PNPT1: variants seen among roughly 807,000 people sequenced by gnomAD.
PNPT1 encodes polyribonucleotide nucleotidyltransferase 1, also known as polyribonucleotide nucleotidyltransferase 1, mitochondrial.
A neutral mutation model predicts 119.5 loss-of-function variants in PNPT1; 53 were observed. The ratio of observed to expected loss-of-function variants is 0.44; its 90% CI spans 0.36 to 0.56. The LOEUF (loss-of-function observed/expected upper bound fraction) is 0.56, where lower values mean the gene tolerates loss of function less well. Ranked by LOEUF, PNPT1 falls within the 20% of genes least tolerant of loss-of-function variation. PNPT1 has a pLI of 0.00. For synonymous variants in PNPT1, 357 were observed against 322.1 expected, an observed-to-expected ratio of 1.11 and a Z score of -1.16; for missense variants, 948 against 938.5, an observed-to-expected ratio of 1.01 and a Z score of -0.13.
intron 2 of PNPT1, among the ~76,000 whole-genome samples, chr2:55,687,042 G>A (rs985824683): frequency 2.6e-5 from 4 of 151,814 alleles, no homozygotes; most frequent in African/African-American, 7.3e-5. Context: ...GTGAAACCTC[G>A]ACTCTACTAA....
At chr2:55,637,716 G>T (rs1268474828) in intron 26 of PNPT1, 117 bp from the exon 27 acceptor site, 5 of 876,512 alleles carry the variant, frequency 5.7e-6, no homozygotes, top group Non-Finnish European at 9.2e-6. Flanking sequence ...TCAGTTAGCG[G>T]CTGGGCGCAG....
In PNPT1 at chr2:55,634,673, A is replaced by T. The variant is rs1403527677; in HGVS notation, c.*1564T>A. On this transcript the variant is annotated 3_prime_UTR_variant, in exon 28 of 28. Coordinates refer to ENST00000447944, the MANE Select transcript of PNPT1 (RefSeq NM_033109.5). The stretch of plus-strand genomic sequence containing the variant: ...CAGGTTCAAGAGATTCTCCTGCCTC[A>T]GCCTCCTGAGTAGCTGGGATTACAG... The T allele has an allele frequency of 1.3e-5, 2 of 150,144 alleles. No individual in the cohort carries two copies. Among genetic ancestry groups the T allele is most frequent in the Non-Finnish European group, 2.9e-5 (2 of 67,818 alleles). The allele number at this position is 150,144 out of a possible 1,614,324, so 9.3% of individuals were successfully genotyped here.
At position 55,636,001 on chromosome 2, in the gene PNPT1, A is replaced by G; in HGVS notation, c.*236T>C. On this transcript the variant is annotated 3_prime_UTR_variant, in exon 28 of 28. Coordinates refer to ENST00000447944, the MANE Select transcript of PNPT1 (RefSeq NM_033109.5). ...TATGTAATTTTTTCTAAGATGTATA[A>G]ATGACTTACTTTTAATAATAAATAT... is the stretch of plus-strand genomic sequence containing the variant. The G allele has an allele frequency of 3.9e-6, 1 of 253,956 alleles. No individual in the cohort carries two copies. The highest frequency in any genetic ancestry group is 7.3e-6 in the Non-Finnish European group (1 of 137,120). The allele number at this position is 253,956 out of a possible 1,614,324, so 15.7% of individuals were successfully genotyped here.
chr2:55,668,064 G>A, intron 11 of PNPT1, 106 bp from the exon 12 acceptor site: 3 of 978,312 alleles, frequency 3.1e-6, no homozygotes, highest in Non-Finnish European at 4.5e-6. Flanking sequence ...ATCAACCAAG[G>A]GAGATGACTC....
Position 55,672,991 on chromosome 2 carries a change from A to C in PNPT1, c.768T>G (p.Ile256Met). The stretch of plus-strand genomic sequence containing the variant: ...CTTTTACCAACTGCTGAATGCCCTG[A>C]ATTATTTGTTGGGTATATTTCACTC... ...KVGVKYTQQI[I>M]QGIQQLVKET... Residue 256 changes from isoleucine (I) to methionine (M), a missense_variant, in exon 9 of 28, where the codon ATT becomes ATG. By Grantham distance (10) the Ile-to-Met change is conservative. Coordinates refer to ENST00000447944, the MANE Select transcript of PNPT1 (RefSeq NM_033109.5). 1.9e-6 allele frequency: 3 copies of C among 1,613,506 alleles called. No homozygotes were observed. In the South Asian group the frequency reaches 3.3e-5, roughly 18 times the overall value.
Position 55,642,784 on chromosome 2 carries a change from A to G in PNPT1, c.2069+374T>C, listed in dbSNP as rs566300557. On this transcript the variant is annotated intron_variant, in intron 25 of 27. Transcript: ENST00000447944. ...TAAACACCTTATGATTTCAAAGTAAATGTAAAATTAAATTGGGATTATAAT... is the reference window on the plus strand; with the variant it reads ...TAAACACCTTATGATTTCAAAGTAAGTGTAAAATTAAATTGGGATTATAAT... Among the ~76,000 whole-genome samples, 30 of 152,182 alleles carry G rather than the reference A, an allele frequency of 2.0e-4. No homozygotes were observed. The South Asian group carries it at 6.0e-3, about 30-fold the overall frequency.
chr2:55,658,098 G>A (rs1234803033), intron 15 of PNPT1, among the ~76,000 whole-genome samples: 1 of 151,606 alleles, frequency 6.6e-6, no homozygotes, highest in Admixed American at 6.6e-5. Context: ...TTAGCGGGGT[G>A]TGGTGGTGCC....
chr2:55,652,793 T>G (rs916820937), intron 18 of PNPT1, among the ~76,000 whole-genome samples: 1 of 152,264 alleles, frequency 6.6e-6, no homozygotes, highest in Non-Finnish European at 1.5e-5. Context: ...GAAAGTGAAT[T>G]AACTATGGCA....
chr2:55,639,266 A>G (rs942271830), intron 26 of PNPT1, among the ~76,000 whole-genome samples: 5 of 152,214 alleles, frequency 3.3e-5, no homozygotes, highest in Admixed American at 6.5e-5. Context: ...TTTGTACATT[A>G]AAAACTTTTC....
At chr2:55,672,195 T>C in intron 9 of PNPT1, 149 bp from the exon 10 acceptor site, 2 of 638,176 alleles carry the variant, frequency 3.1e-6, no homozygotes, top group Non-Finnish European at 2.6e-6. Flanking sequence ...TTGCTATTTA[T>C]CATTGCTAAT....
At chr2:55,663,844 G>A (rs1406262160) in intron 13 of PNPT1, among the ~76,000 whole-genome samples, 3 of 152,046 alleles carry the variant, frequency 2.0e-5, no homozygotes, top group Admixed American at 6.6e-5. Flanking sequence ...TTAGCCGGGC[G>A]TGGTGGCAGC....
At chr2:55,673,771 A>T (rs1696983705) in intron 8 of PNPT1, among the ~76,000 whole-genome samples, 2 of 152,030 alleles carry the variant, frequency 1.3e-5, no homozygotes, top group African/African-American at 4.8e-5. Flanking sequence ...AAAAGGCCAT[A>T]TGTATGTCCT....
chr2:55,666,215 A>C (rs1054569466), intron 13 of PNPT1, among the ~76,000 whole-genome samples: 15 of 152,202 alleles, frequency 9.9e-5, no homozygotes, highest in Non-Finnish European at 1.9e-4. Flanking sequence ...ACAAAAAGGC[A>C]TGAGGAAACT....
At chr2:55,662,326 AG>A (rs1336876441) in intron 13 of PNPT1, among the ~76,000 whole-genome samples, 1 of 152,178 alleles carries the variant, frequency 6.6e-6, no homozygotes, top group Non-Finnish European at 1.5e-5. Flanking sequence ...TATGTAGGAG[AG>A]TACGCTGAGG....
chr2:55,644,429 T>C (rs963912618), intron 23 of PNPT1, among the ~76,000 whole-genome samples: 2 of 152,186 alleles, frequency 1.3e-5, no homozygotes, highest in Admixed American at 1.3e-4. Flanking sequence ...TTGTAATCCT[T>C]CTTGAATTTA....
In PNPT1 at chr2:55,667,734, T is replaced by C. The variant is rs550483701; in HGVS notation, c.1073+128A>G. 1.4e-5 allele frequency: 17 copies of C among 1,246,558 alleles called. No homozygotes were observed. The South Asian group carries it at 2.0e-4, about 15-fold the overall frequency. 77.2% of individuals were successfully genotyped at this position (1,246,558 alleles called of 1,614,324 possible). Reference sequence around the variant, plus strand: ...TTTCTTCAATAGGTGTCCATTTATATAGCAAATATTATAATTCTTTACTGT... The same window carrying C: ...TTTCTTCAATAGGTGTCCATTTATACAGCAAATATTATAATTCTTTACTGT... On this transcript the variant is annotated intron_variant, in intron 12 of 27. Coordinates refer to ENST00000447944, the MANE Select transcript of PNPT1 (RefSeq NM_033109.5).
intron 22 of PNPT1, chr2:55,645,021 AATT>A: frequency 3.5e-6 from 1 of 285,144 alleles, no homozygotes; most frequent in Non-Finnish European, 6.4e-6. Flanking sequence ...TGATCACTAA[AATT>A]TTTTTTTTTT....
At chr2:55,670,517 C>T (rs1046667398) in intron 11 of PNPT1, among the ~76,000 whole-genome samples, 5 of 152,120 alleles carry the variant, frequency 3.3e-5, no homozygotes. Flanking sequence ...AGATCCTTTG[C>T]TTAATAATTT....
chr2:55,644,247 T>A (rs1326327733), intron 23 of PNPT1, among the ~76,000 whole-genome samples: 2 of 151,958 alleles, frequency 1.3e-5, no homozygotes, highest in African/African-American at 2.4e-5. Flanking sequence ...TCAGGAAAAA[T>A]AAATTAAAGC....
Sources: allele counts gnomAD v4.1 joint callset (sites outside exome capture counted in the v4.1 genomes callset), GRCh38; gene constraint gnomAD v4.1.1; transcripts MANE v1.5; gene names NCBI Gene and HGNC (gene_info 2026-07-23, HGNC 2026-07-21).